The following PRKAR2B variants were observed in gnomAD, a reference collection of about 807,000 sequenced individuals.
The protein encoded by PRKAR2B is protein kinase cAMP-dependent type II regulatory subunit beta, also known as cAMP-dependent protein kinase type II-beta regulatory subunit.
Under a neutral mutation model 49.9 loss-of-function variants are expected in PRKAR2B, and 14 were observed. That is an observed-to-expected ratio of 0.28 (90% CI 0.19 to 0.44). PRKAR2B has a LOEUF of 0.44. Ranked by LOEUF, PRKAR2B falls within the 20% of genes least tolerant of loss-of-function variation. PRKAR2B has a pLI of 1.00. For synonymous variants in PRKAR2B, 196 were observed against 197.7 expected, an observed-to-expected ratio of 0.99 and a Z score of 0.07; for missense variants, 393 against 537.9, an observed-to-expected ratio of 0.73 and a Z score of 2.67.
In PRKAR2B at chr7:107,112,423, A is replaced by G. The variant is rs114926791; in HGVS notation, c.344-9529A>G. On this transcript the variant is annotated intron_variant, in intron 2 of 10. Transcript: ENST00000265717. Reference sequence around the variant, plus strand: ...TTGATTTAAGTCTTGATCTGAAGAAATGAAAGTTAAAAAAGAAGAAATCTA... The same window carrying G: ...TTGATTTAAGTCTTGATCTGAAGAAGTGAAAGTTAAAAAAGAAGAAATCTA... Among the ~76,000 whole-genome samples the G allele has an allele frequency of 3.3e-3, 503 of 152,200 alleles. 4 individuals are homozygous for G. Among genetic ancestry groups the G allele is most frequent in the African/African-American group, 0.012 (486 of 41,556 alleles).
intron 2 of PRKAR2B, among the ~76,000 whole-genome samples, chr7:107,112,967 A>G (rs2116825949): frequency 6.6e-6 from 1 of 152,288 alleles, no homozygotes; most frequent in South Asian, 2.1e-4. Context: ...GCCAGTAATT[A>G]AACTATTTTC....
At chr7:107,125,760 A>G (rs1795470613) in intron 3 of PRKAR2B, among the ~76,000 whole-genome samples, 1 of 152,004 alleles carries the variant, frequency 6.6e-6, no homozygotes, top group Non-Finnish European at 1.5e-5. Flanking sequence ...GACCATAGTG[A>G]TGGAGGTGGG....
chr7:107,146,989 G>T (rs144951237), intron 6 of PRKAR2B, among the ~76,000 whole-genome samples: 1 of 152,250 alleles, frequency 6.6e-6, no homozygotes, highest in Non-Finnish European at 1.5e-5. Flanking sequence ...AAATTGATTG[G>T]TAACTACTCT....
intron 4 of PRKAR2B, among the ~76,000 whole-genome samples, chr7:107,130,226 G>A (rs1254017858): frequency 1.1e-4 from 17 of 152,152 alleles, no homozygotes; most frequent in African/African-American, 1.2e-4. Flanking sequence ...CGGGCCGGGC[G>A]TGGTGGCTCA....
At chr7:107,073,850 C>T (rs1461922206) in intron 2 of PRKAR2B, among the ~76,000 whole-genome samples, 4 of 151,960 alleles carry the variant, frequency 2.6e-5, no homozygotes, top group Non-Finnish European at 5.9e-5. Context: ...CACTAGAGGT[C>T]AGGAGTTCGA....
At chr7:107,153,909 T>C (rs925469918) in intron 8 of PRKAR2B, among the ~76,000 whole-genome samples, 1 of 152,230 alleles carries the variant, frequency 6.6e-6, no homozygotes, top group Non-Finnish European at 1.5e-5. Context: ...ATAGATTCTG[T>C]AATTTTTGTA....
intron 7 of PRKAR2B, among the ~76,000 whole-genome samples, chr7:107,152,427 C>A (rs1351404113): frequency 6.6e-6 from 1 of 152,304 alleles, no homozygotes; most frequent in East Asian, 1.9e-4. Flanking sequence ...CTGCAGGGCT[C>A]CTTCATTTCT....
chr7:107,161,559 G>A lies in PRKAR2B; in HGVS notation c.*1977G>A, dbSNP rs1796198469. 2 of 152,552 alleles carry A rather than the reference G, an allele frequency of 1.3e-5. No homozygotes were observed. Among genetic ancestry groups the A allele is most frequent in the African/African-American group, 2.4e-5 (1 of 41,518 alleles). The allele number at this position is 152,552 out of a possible 1,614,324, so 9.4% of individuals were successfully genotyped here. ...GCTTGTTTCTTTAAAGTTTTCTGACGTGCATAATGCATAATTCATTGAAAA... is the reference window on the plus strand; with the variant it reads ...GCTTGTTTCTTTAAAGTTTTCTGACATGCATAATGCATAATTCATTGAAAA... On this transcript the variant is annotated 3_prime_UTR_variant, in exon 11 of 11. Transcript: ENST00000265717.
At chr7:107,084,827 G>T (rs529213631) in intron 2 of PRKAR2B, among the ~76,000 whole-genome samples, 3 of 151,642 alleles carry the variant, frequency 2.0e-5, no homozygotes, top group Non-Finnish European at 2.9e-5. Context: ...GGGTTTCACC[G>T]TGTTAGCCAG....
intron 2 of PRKAR2B, among the ~76,000 whole-genome samples, chr7:107,097,602 C>T (rs1423779146): frequency 2.6e-5 from 4 of 152,086 alleles, no homozygotes; most frequent in African/African-American, 7.2e-5. Context: ...TCCTTCCTAG[C>T]GTGGATGGTC....
chr7:107,101,448 G>A (rs1197089806), intron 2 of PRKAR2B, among the ~76,000 whole-genome samples: 3 of 152,160 alleles, frequency 2.0e-5, no homozygotes. Context: ...CGACAGCCTA[G>A]AGATATGTAG....
At chr7:107,076,037 T>G (rs1365513641) in intron 2 of PRKAR2B, among the ~76,000 whole-genome samples, 1 of 152,148 alleles carries the variant, frequency 6.6e-6, no homozygotes, top group African/African-American at 2.4e-5. Context: ...GATACTGTTT[T>G]GAAAAAGTTA....
At chr7:107,099,454 C>G (rs963335658) in intron 2 of PRKAR2B, among the ~76,000 whole-genome samples, 4 of 152,156 alleles carry the variant, frequency 2.6e-5, no homozygotes, top group Non-Finnish European at 5.9e-5. Flanking sequence ...TCCCTGACCC[C>G]TTGTGCTTCC....
intron 1 of PRKAR2B, among the ~76,000 whole-genome samples, chr7:107,055,757 G>A (rs1793900761): frequency 6.6e-6 from 1 of 152,148 alleles, no homozygotes; most frequent in South Asian, 2.1e-4. Context: ...CTCCCATTCT[G>A]TAGGTTGCCT....
chr7:107,123,786 C>T (rs1019321557), intron 3 of PRKAR2B, among the ~76,000 whole-genome samples: 2 of 152,048 alleles, frequency 1.3e-5, no homozygotes, highest in African/African-American at 2.4e-5. Flanking sequence ...AGATCTGTCC[C>T]CTGTAACACC....
chr7:107,067,852 G>A (rs781072109), intron 1 of PRKAR2B, among the ~76,000 whole-genome samples: 5 of 152,212 alleles, frequency 3.3e-5, no homozygotes, highest in Non-Finnish European at 7.3e-5. Flanking sequence ...TAGAAAATTT[G>A]ATGTATATTA....
At chr7:107,050,363 G>A (rs911176604) in intron 1 of PRKAR2B, among the ~76,000 whole-genome samples, 1 of 11,782 alleles carries the variant, frequency 8.5e-5, no homozygotes, top group Non-Finnish European at 1.8e-4. Context: ...TTTTTTTTTT[G>A]TGGATGCACA....
intron 10 of PRKAR2B, among the ~76,000 whole-genome samples, 162 bp downstream of exon 10, chr7:107,157,486 G>C (rs1161673248): frequency 6.6e-6 from 1 of 152,176 alleles, no homozygotes. Flanking sequence ...ATTTGTGGAA[G>C]CCATTTTTTC....
chr7:107,056,867 G>A (rs1793925723), intron 1 of PRKAR2B, among the ~76,000 whole-genome samples: 1 of 152,182 alleles, frequency 6.6e-6, no homozygotes. Flanking sequence ...TACAACGTGA[G>A]GCTTGGGCCT....
Sources: allele counts gnomAD v4.1 joint callset (sites outside exome capture counted in the v4.1 genomes callset), GRCh38; gene constraint gnomAD v4.1.1; transcripts MANE v1.5; gene names NCBI Gene and HGNC (gene_info 2026-07-23, HGNC 2026-07-21).